IFI16: variants seen among roughly 807,000 people sequenced by gnomAD.
The protein encoded by IFI16 is interferon gamma inducible protein 16, also known as gamma-interferon-inducible protein 16.
Under a neutral mutation model 68.4 loss-of-function variants are expected in IFI16, and 49 were observed. The observed-to-expected ratio is 0.72, with a 90% CI of 0.57 to 0.91. The LOEUF (loss-of-function observed/expected upper bound fraction) is 0.91. Among genes scored for constraint, IFI16 ranks in the 40% least tolerant of loss-of-function variants. The probability of loss-of-function intolerance (pLI) is 0.00; values close to 1 mark genes in which losing one functional copy is unlikely to be tolerated. For synonymous variants in IFI16, 307 were observed against 315.0 expected, an observed-to-expected ratio of 0.97 and a Z score of 0.27; for missense variants, 878 against 942.9, an observed-to-expected ratio of 0.93 and a Z score of 0.90.
chr1:159,052,083 G>A lies in IFI16; in HGVS notation c.2070G>A (p.Val690=), dbSNP rs748961974. The change falls in exon 10 of 12, where the codon GTG becomes GTA. Residue 690 remains valine, a synonymous_variant. Coordinates refer to ENST00000295809, the MANE Select transcript of IFI16 (RefSeq NM_001376587.1). The part of the protein sequence containing the change: ...SQTKGSFVNG[V]FEVHKKNVRG... ...CTAAAGGAAGTTTTGTGAATGGGGT[G>A]TTTGAGGTACATAAGGTAAGCCCAC... 107 of 1,611,264 alleles carry A rather than the reference G, an allele frequency of 6.6e-5. 1 individual carries two copies. In the South Asian group the frequency reaches 1.1e-3, roughly 17 times the overall value.
Position 159,015,916 on chromosome 1 carries a change from G to A in IFI16, c.310G>A (p.Ala104Thr), listed in dbSNP as rs140368446. The change falls in exon 3 of 12, where the codon GCT becomes ACT. Residue 104 changes from alanine to threonine, a missense_variant. This residue lies in a region of IFI16 where 443 missense variants were observed against 421.8 expected (regional missense o/e 1.05). Coordinates refer to ENST00000295809, the MANE Select transcript of IFI16 (RefSeq NM_001376587.1). ...LSRKRKKEVD[A>T]TSPAPSTSST... Reference sequence around the variant, plus strand: ...AAGAAAGAGGAAGAAGGAAGTGGATGCTACTTCACCTGCACCCTCCACAAG... The same window carrying A: ...AAGAAAGAGGAAGAAGGAAGTGGATACTACTTCACCTGCACCCTCCACAAG... 5,245 of 1,614,090 alleles carry A rather than the reference G, an allele frequency of 3.2e-3. 20 individuals are homozygous for A. The highest frequency in any genetic ancestry group is 3.6e-3 in the Non-Finnish European group (4,270 of 1,179,926).
chr1:159,010,744 C>T (rs12756557), intron 1 of IFI16, among the ~76,000 whole-genome samples: 23,304 of 152,008 alleles, frequency 0.15, 1,963 homozygotes, highest in Middle Eastern at 0.19. Context: ...CATTCTGCAC[C>T]GGGTGCTAGC....
At chr1:159,015,849 G>A (rs772740556) in intron 2 of IFI16, 23 bp from the exon 3 acceptor site, 1 of 1,530,206 alleles carries the variant, frequency 6.5e-7, no homozygotes, top group East Asian at 2.2e-5. Context: ...CATTGGTTGG[G>A]AATAAAATTG....
chr1:159,048,241 G>C (rs1239588201), intron 8 of IFI16, among the ~76,000 whole-genome samples: 6 of 151,224 alleles, frequency 4.0e-5, no homozygotes, highest in African/African-American at 1.5e-4. Context: ...TTTATTTATT[G>C]AGCATTTACT....
In IFI16 at chr1:159,051,918, T is replaced by C; in HGVS notation, c.1905T>C (p.Tyr635=). 2 of 1,614,128 alleles carry C rather than the reference T, an allele frequency of 1.2e-6. No individual in the cohort carries two copies. Among genetic ancestry groups the C allele is most frequent in the African/African-American group, 1.3e-5 (1 of 75,040 alleles). Residue 635 remains tyrosine, a synonymous_variant, in exon 10 of 12, where the codon TAT becomes TAC. Transcript: ENST00000295809. The part of the protein sequence containing the change: ...TPKKIIAIAN[Y]VCRNGFLEVY... ...AGAAGATCATTGCCATAGCAAATTA[T>C]GTTTGCCGCAATGGGTTCCTGGAGG...
chr1:159,003,785 C>T (rs1269874149), upstream of IFI16, among the ~76,000 whole-genome samples: 3 of 152,088 alleles, frequency 2.0e-5, no homozygotes, highest in South Asian at 4.1e-4. Context: ...CTCAGCCTCC[C>T]GAGTAGCTGG....
intron 1 of IFI16, among the ~76,000 whole-genome samples, chr1:159,014,400 G>C (rs557176439): frequency 1.3e-5 from 2 of 152,124 alleles, no homozygotes; most frequent in Non-Finnish European, 2.9e-5. Context: ...TAACACTGAG[G>C]CAATTGCTTG....
At chr1:159,015,095 C>T (rs1233172494) in intron 2 of IFI16, 150 bp downstream of exon 2, 2 of 719,838 alleles carry the variant, frequency 2.8e-6, no homozygotes, top group Admixed American at 5.0e-5. Context: ...CAGAGGCCAA[C>T]AAGTTGACAA....
chr1:159,005,295 A>G (rs562490930), upstream of IFI16, among the ~76,000 whole-genome samples: 6 of 152,308 alleles, frequency 3.9e-5, no homozygotes, highest in Admixed American at 3.9e-4. Flanking sequence ...ATGCATGTCC[A>G]TTACAGGGAG....
intron 11 of IFI16, 60 bp downstream of exon 11, chr1:159,053,784 A>C: frequency 7.6e-7 from 1 of 1,309,656 alleles, no homozygotes; most frequent in East Asian, 2.3e-5. Context: ...TTATACTTTA[A>C]GAAGACTAGA....
chr1:159,044,263 G>A (rs902100868), intron 7 of IFI16, among the ~76,000 whole-genome samples: 2 of 152,154 alleles, frequency 1.3e-5, no homozygotes, highest in Non-Finnish European at 2.9e-5. Flanking sequence ...TTCAAATGCA[G>A]CCTTATTGAA....
chr1:159,015,213 G>A (rs923356069), intron 2 of IFI16, among the ~76,000 whole-genome samples: 4 of 152,158 alleles, frequency 2.6e-5, no homozygotes, highest in African/African-American at 9.7e-5. Flanking sequence ...GAGACTTCCA[G>A]TACATTAGAA....
intron 6 of IFI16, among the ~76,000 whole-genome samples, chr1:159,031,167 GTCTCAC>G (rs1653975531): frequency 6.6e-6 from 1 of 150,914 alleles, no homozygotes; most frequent in Non-Finnish European, 1.5e-5. Flanking sequence ...TGAAAGGCCA[GTCTCAC>G]TCCCACCATC....
chr1:159,006,435 T>G (rs944382033), upstream of IFI16, among the ~76,000 whole-genome samples: 7 of 152,174 alleles, frequency 4.6e-5, no homozygotes, highest in African/African-American at 1.4e-4. Context: ...ACTCAAGGTT[T>G]TATGTTGTTA....
At chr1:159,026,578 T>G (rs922695678) in intron 6 of IFI16, among the ~76,000 whole-genome samples, 3 of 152,040 alleles carry the variant, frequency 2.0e-5, no homozygotes, top group African/African-American at 7.2e-5. Context: ...AGATTACAGG[T>G]GTGAGCCACT....
intron 5 of IFI16, among the ~76,000 whole-genome samples, chr1:159,019,965 A>G (rs574772259): frequency 6.6e-6 from 1 of 152,338 alleles, no homozygotes; most frequent in African/African-American, 2.4e-5. Flanking sequence ...CTCATAAGTC[A>G]CTGAATAAAT....
At chr1:159,031,619 G>A (rs1229452555) in intron 6 of IFI16, among the ~76,000 whole-genome samples, 4 of 152,182 alleles carry the variant, frequency 2.6e-5, no homozygotes, top group Non-Finnish European at 5.9e-5. Context: ...GTTCCCCAGT[G>A]AGGATGTATG....
upstream of IFI16, among the ~76,000 whole-genome samples, chr1:159,007,706 G>GCT (rs137992616): frequency 4.2e-4 from 63 of 150,896 alleles, no homozygotes; most frequent in East Asian, 7.8e-4. Context: ...ATCAGAGAGT[G>GCT]CTCTCTCTCT....
intron 5 of IFI16, among the ~76,000 whole-genome samples, chr1:159,019,504 G>C (rs996904116): frequency 6.6e-6 from 1 of 151,418 alleles, no homozygotes; most frequent in Non-Finnish European, 1.5e-5. Flanking sequence ...TGTCGCCCAG[G>C]TTGGAGCGCA....
Sources: allele counts gnomAD v4.1 joint callset (sites outside exome capture counted in the v4.1 genomes callset), GRCh38; gene constraint gnomAD v4.1.1; regional missense constraint gnomAD v4.1.1; transcripts MANE v1.5; gene names NCBI Gene and HGNC (gene_info 2026-07-23, HGNC 2026-07-21).